RTN4: variants seen among roughly 807,000 people sequenced by gnomAD.
RTN4 encodes the protein reticulon 4.
In RTN4, 32 loss-of-function variants were observed where a neutral mutation model predicts 90.4. The ratio of observed to expected loss-of-function variants is 0.35; its 90% CI spans 0.27 to 0.48. The LOEUF is 0.48. Ranked by LOEUF, RTN4 falls within the 20% of genes least tolerant of loss-of-function variation. The pLI is 0.99. For missense variants in RTN4, 1,706 were observed against 1,430.2 expected (o/e 1.19, Z -3.11); for synonymous variants, 629 against 552.5 (o/e 1.14, Z -1.94).
At chr2:55,108,879 T>C (rs552387949) in intron 1 of RTN4, among the ~76,000 whole-genome samples, 8 of 152,266 alleles carry the variant, frequency 5.3e-5, no homozygotes, top group African/African-American at 1.7e-4. Context: ...CACAGCCATA[T>C]TCCTCACAGA....
intron 1 of RTN4, among the ~76,000 whole-genome samples, chr2:55,029,601 G>C (rs958744499): frequency 9.2e-5 from 14 of 152,112 alleles, no homozygotes; most frequent in African/African-American, 2.7e-4. Context: ...ACATGAATAC[G>C]GACTTGTCTT....
Position 55,028,181 on chromosome 2 carries a change from A to T in RTN4, c.596T>A (p.Val199Glu). The change falls in exon 2 of 9, where the codon GTG (valine) becomes GAG (glutamate). Residue 199 changes from valine (V) to glutamate (E), a missense_variant. Coordinates refer to ENST00000337526, the MANE Select transcript of RTN4 (RefSeq NM_020532.5). ...LFALPAASEP[V>E]IRSSAENMDL... ...GAACTTGCCTGCAGAGGAGCGTATCACAGGCTCAGATGCAGCAGGAAGAGC... is the reference window on the plus strand; with the variant it reads ...GAACTTGCCTGCAGAGGAGCGTATCTCAGGCTCAGATGCAGCAGGAAGAGC... 2 of 1,613,084 alleles carry T rather than the reference A, an allele frequency of 1.2e-6. No homozygotes were observed. The highest frequency in any genetic ancestry group is 1.7e-6 in the Non-Finnish European group (2 of 1,179,462).
intron 1 of RTN4, among the ~76,000 whole-genome samples, chr2:55,031,019 C>A (rs1445899602): frequency 6.6e-6 from 1 of 150,508 alleles, no homozygotes; most frequent in Non-Finnish European, 1.5e-5. Context: ...CTCAAAACTA[C>A]CCTGTAAGGT....
the RTN4 span, among the ~76,000 whole-genome samples, chr2:55,137,621 C>G: frequency 1.8e-3 from 273 of 152,224 alleles, 1 homozygote; most frequent in Middle Eastern, 0.02. Flanking sequence ...AGCCTCCCCA[C>G]AGGTGCCCCC....
At chr2:55,023,636 TA>T (rs367992042) in intron 3 of RTN4, among the ~76,000 whole-genome samples, 43 of 150,732 alleles carry the variant, frequency 2.9e-4, no homozygotes, top group African/African-American at 1.0e-3. Flanking sequence ...CTTCCCACCT[TA>T]AAAAAAAAGT....
chr2:54,982,103 T>C (rs914355582), intron 5 of RTN4, among the ~76,000 whole-genome samples: 1 of 151,858 alleles, frequency 6.6e-6, no homozygotes, highest in Non-Finnish European at 1.5e-5. Context: ...ATTACAGGCA[T>C]GCACCACCAC....
chr2:55,049,874 G>T lies in RTN4; in HGVS notation c.427C>A (p.Pro143Thr). 1 of 1,319,228 alleles carries T rather than the reference G, an allele frequency of 7.6e-7. No individual in the cohort carries two copies. The highest frequency in any genetic ancestry group is 9.6e-7 in the Non-Finnish European group (1 of 1,038,182). The allele number at this position is 1,319,228 out of a possible 1,614,324, so 81.7% of individuals were successfully genotyped here. ...LPEDDEPPAR[P>T]PPPPPASVSP... ...ACGCTGGCCGGGGGAGGAGGGGGAG[G>T]CCGGGCCGGAGGCTCGTCGTCCTCA... The change falls in exon 1 of 9, where the codon CCT becomes ACT. Residue 143 changes from proline to threonine, a missense_variant. Transcript: ENST00000337526.
chr2:55,089,086 T>C (rs1004446111), intron 1 of RTN4, among the ~76,000 whole-genome samples: 2 of 151,792 alleles, frequency 1.3e-5, no homozygotes, highest in African/African-American at 4.8e-5. Context: ...GCGCTCACAG[T>C]TAATTTTTGT....
At chr2:55,131,012 C>G in the RTN4 span, among the ~76,000 whole-genome samples, 3 of 152,076 alleles carry the variant, frequency 2.0e-5, no homozygotes, top group African/African-American at 7.2e-5. Context: ...CTTCAGTGTA[C>G]AAAGGAAAAA....
Position 55,050,007 on chromosome 2 carries a change from G to T in RTN4, c.294C>A (p.Pro98=). 3 of 1,380,414 alleles carry T rather than the reference G, an allele frequency of 2.2e-6. No homozygotes were observed. Among genetic ancestry groups the T allele is most frequent in the Non-Finnish European group, 2.8e-6 (3 of 1,074,404 alleles). 85.5% of individuals were successfully genotyped at this position (1,380,414 alleles called of 1,614,324 possible). Residue 98 remains proline, a synonymous_variant, in exon 1 of 9, where the codon CCC becomes CCA. Transcript: ENST00000337526. This position sits in a 1 kb window ranked among gnomAD's most constrained non-coding sequence, Gnocchi z 4.6. ...ACGGCTGCCGCTCCGGGGCGACGGG[G>T]GGAGCGGCCGGCAGGGGTCCCCGGG... The part of the protein sequence containing the change: ...PAPRGPLPAA[P]PVAPERQPSW...
At chr2:55,112,341 G>A (rs937983176) in intron 1 of RTN4, among the ~76,000 whole-genome samples, 1 of 152,214 alleles carries the variant, frequency 6.6e-6, no homozygotes, top group African/African-American at 2.4e-5. Flanking sequence ...GGAAACCAGA[G>A]GTCACAGAGC....
intron 1 of RTN4, among the ~76,000 whole-genome samples, chr2:55,040,249 A>G (rs1682980569): frequency 6.6e-6 from 1 of 152,240 alleles, no homozygotes. Flanking sequence ...TTAAAATATC[A>G]GAATTTGATA....
At chr2:55,106,538 A>T (rs541104895) in intron 1 of RTN4, among the ~76,000 whole-genome samples, 17 of 151,808 alleles carry the variant, frequency 1.1e-4, no homozygotes, top group Admixed American at 6.6e-4. Flanking sequence ...TTTTTTTTTT[A>T]AATGGAGTTT....
intron 1 of RTN4, among the ~76,000 whole-genome samples, chr2:55,111,403 A>G (rs1180496509): frequency 2.0e-5 from 3 of 152,252 alleles, no homozygotes; most frequent in African/African-American, 7.2e-5. Context: ...TGGAAAGCAG[A>G]TTCTCATCCC....
intron 1 of RTN4, among the ~76,000 whole-genome samples, chr2:55,093,766 A>G (rs1225092933): frequency 6.6e-6 from 1 of 152,212 alleles, no homozygotes; most frequent in Non-Finnish European, 1.5e-5. Flanking sequence ...AGAGGAAGGC[A>G]GTCTGAGGGC....
chr2:55,136,206 G>A, the RTN4 span, among the ~76,000 whole-genome samples: 1 of 152,202 alleles, frequency 6.6e-6, no homozygotes, highest in Non-Finnish European at 1.5e-5. Flanking sequence ...ACAGGGCAAA[G>A]TTTCACTGGT....
intron 3 of RTN4, among the ~76,000 whole-genome samples, chr2:55,018,737 A>G (rs1007585352): frequency 6.6e-6 from 1 of 152,112 alleles, no homozygotes; most frequent in African/African-American, 2.4e-5. Flanking sequence ...TCATTTCTTA[A>G]GTATGTATGT....
intron 3 of RTN4, among the ~76,000 whole-genome samples, chr2:55,018,335 G>C (rs896206015): frequency 6.6e-6 from 1 of 152,092 alleles, no homozygotes; most frequent in African/African-American, 2.4e-5. Flanking sequence ...AGAAAATCTA[G>C]AACTGAAACA....
upstream of RTN4, among the ~76,000 whole-genome samples, chr2:55,116,987 C>G (rs1338209807): frequency 1.3e-5 from 2 of 149,998 alleles, no homozygotes; most frequent in Non-Finnish European, 2.9e-5. Flanking sequence ...AATTCTCCTG[C>G]TGCAGCCTCC....
Sources: allele counts gnomAD v4.1 joint callset (sites outside exome capture counted in the v4.1 genomes callset), GRCh38; gene constraint gnomAD v4.1.1; non-coding constraint Gnocchi (gnomAD v3.1); transcripts MANE v1.5; gene names NCBI Gene and HGNC (gene_info 2026-07-23, HGNC 2026-07-21).